The following BLNK variants were observed in gnomAD, a reference collection of about 807,000 sequenced individuals.
The protein encoded by BLNK is B cell linker, also known as B-cell linker protein.
BLNK carries 29 observed loss-of-function variants against 73.5 expected under a neutral mutation model. That is an observed-to-expected ratio of 0.39 (90% CI 0.29 to 0.54). The LOEUF is 0.54. BLNK is among the 20% of genes least tolerant of loss of function. The pLI, the probability that BLNK is intolerant of heterozygous loss-of-function variation, is 0.61. For synonymous variants in BLNK, 176 were observed against 200.8 expected, an observed-to-expected ratio of 0.88 and a Z score of 1.04; for missense variants, 460 against 562.8, an observed-to-expected ratio of 0.82 and a Z score of 1.85.
intron 15 of BLNK, among the ~76,000 whole-genome samples, chr10:96,198,508 A>G (rs1014289552): frequency 6.6e-6 from 1 of 152,238 alleles, no homozygotes; most frequent in Non-Finnish European, 1.5e-5. Flanking sequence ...AAGTCTGCAG[A>G]GCCACCAGAC....
chr10:96,191,072 T>C lies in BLNK; in HGVS notation c.*901A>G, dbSNP rs897217624. On this transcript the variant is annotated 3_prime_UTR_variant, in exon 17 of 17. Transcript: ENST00000224337. ...GGCAGGTTTTCCCATGTTGTTGTGA[T>C]AGTGAGTAAGTCTCATGAGATCTGA... Among the ~76,000 whole-genome samples the C allele has an allele frequency of 2.0e-5, 3 of 152,114 alleles. No homozygotes were observed. Among genetic ancestry groups the C allele is most frequent in the African/African-American group, 4.8e-5 (2 of 41,418 alleles).
chr10:96,204,032 C>T (rs587631607), intron 13 of BLNK, 25 bp downstream of exon 13: 20 of 1,605,758 alleles, frequency 1.2e-5, no homozygotes, highest in Non-Finnish European at 1.5e-5. Context: ...CTCCCTGATA[C>T]ACTACATGGC....
At chr10:96,230,020 G>A (rs149851075) in intron 4 of BLNK, among the ~76,000 whole-genome samples, 1,605 of 152,244 alleles carry the variant, frequency 0.011, 26 homozygotes, top group African/African-American at 0.029. Context: ...TGGTTGTATG[G>A]AAGGCTTCTT....
rs1348595542 is a variant in BLNK at position 96,190,632 on chromosome 10, C to T, written c.*1341G>A. ...GTCATGAGTTACCCTGAAATTATTA[C>T]CTTCTGGCCTTTCAACATACTTTCA... On this transcript the variant is annotated 3_prime_UTR_variant, in exon 17 of 17. Coordinates refer to ENST00000224337, the MANE Select transcript of BLNK (RefSeq NM_013314.4). Among the ~76,000 whole-genome samples the T allele has an allele frequency of 1.3e-5, 2 of 152,112 alleles. No individual in the cohort carries two copies. The highest frequency in any genetic ancestry group is 2.9e-5 in the Non-Finnish European group (2 of 68,022).
chr10:96,210,113 G>A, intron 8 of BLNK: 2 of 630,828 alleles, frequency 3.2e-6, no homozygotes, highest in East Asian at 2.9e-5. Flanking sequence ...CAGTGTATAA[G>A]CTCAGAGCTG....
At chr10:96,260,185 A>G (rs1843693043) in intron 1 of BLNK, among the ~76,000 whole-genome samples, 1 of 152,184 alleles carries the variant, frequency 6.6e-6, no homozygotes, top group South Asian at 2.1e-4. Context: ...AAACCAAAAA[A>G]GTTAAGGGAG....
intron 15 of BLNK, among the ~76,000 whole-genome samples, chr10:96,198,994 T>C (rs758632907): frequency 4.6e-5 from 7 of 152,222 alleles, no homozygotes; most frequent in Non-Finnish European, 8.8e-5. Flanking sequence ...CCACTGCGCC[T>C]GGCTGAGAAA....
chr10:96,242,811 G>T (rs1554906595), intron 2 of BLNK, 27 bp from the exon 3 acceptor site: 1 of 1,598,738 alleles, frequency 6.3e-7, no homozygotes, highest in Non-Finnish European at 8.6e-7. Flanking sequence ...TGAGACAAAA[G>T]GTCAGTGAGC....
intron 3 of BLNK, among the ~76,000 whole-genome samples, chr10:96,237,004 T>A (rs1316912879): frequency 6.6e-6 from 1 of 152,204 alleles, no homozygotes; most frequent in Non-Finnish European, 1.5e-5. Flanking sequence ...TGGTCTCCAG[T>A]TATTCCTAAA....
intron 1 of BLNK, among the ~76,000 whole-genome samples, chr10:96,251,440 TA>T (rs1307745436): frequency 8.5e-5 from 13 of 152,254 alleles, no homozygotes; most frequent in Admixed American, 2.6e-4. Context: ...GCAATCCTTT[TA>T]CTGAGATGAG....
chr10:96,196,276 C>A (rs1246170794), intron 16 of BLNK, among the ~76,000 whole-genome samples: 3 of 152,146 alleles, frequency 2.0e-5, no homozygotes, highest in Non-Finnish European at 2.9e-5. Context: ...ATTTCTAGAC[C>A]ATTCATGGGT....
chr10:96,211,368 C>T (rs1235123031), intron 8 of BLNK, among the ~76,000 whole-genome samples: 4 of 152,190 alleles, frequency 2.6e-5, no homozygotes, highest in Non-Finnish European at 4.4e-5. Context: ...GGTGAAGAAG[C>T]AGACATAGGC....
intron 6 of BLNK, among the ~76,000 whole-genome samples, chr10:96,220,953 C>T (rs2084183688): frequency 6.6e-6 from 1 of 152,228 alleles, no homozygotes; most frequent in Admixed American, 6.5e-5. Flanking sequence ...GGCTCATACC[C>T]TATTACTTAG....
At chr10:96,228,703 G>C (rs1184303973) in intron 4 of BLNK, among the ~76,000 whole-genome samples, 2 of 152,136 alleles carry the variant, frequency 1.3e-5, no homozygotes, top group Non-Finnish European at 2.9e-5. Context: ...GAGTCACTAG[G>C]TTTCTTGTGC....
At chr10:96,254,047 TA>T (rs1369486148) in intron 1 of BLNK, among the ~76,000 whole-genome samples, 4 of 138,980 alleles carry the variant, frequency 2.9e-5, no homozygotes, top group South Asian at 2.3e-4. Context: ...ATTAAAAAAA[TA>T]AAAAAAAGGA....
chr10:96,229,620 T>G (rs1179028714), intron 4 of BLNK, among the ~76,000 whole-genome samples: 1 of 151,622 alleles, frequency 6.6e-6, no homozygotes, highest in Non-Finnish European at 1.5e-5. Flanking sequence ...TACCTCTGCA[T>G]GTGGACCAAG....
At position 96,200,062 on chromosome 10, in the gene BLNK, A is replaced by G; in HGVS notation, c.1095+13T>C. Reference sequence around the variant, plus strand: ...AATAAAATAAAAATAATAAATAATAAAAATGATCAGACCTTGTTTGATCTG... The same window carrying G: ...AATAAAATAAAAATAATAAATAATAGAAATGATCAGACCTTGTTTGATCTG... On this transcript the variant is annotated intron_variant, in intron 15 of 16. Transcript: ENST00000224337. This position sits in a 1 kb window ranked among gnomAD's most constrained non-coding sequence, Gnocchi z 4.3. 1 of 1,476,664 alleles carries G rather than the reference A, an allele frequency of 6.8e-7. No homozygotes were observed. Among genetic ancestry groups the G allele is most frequent in the Non-Finnish European group, 9.0e-7 (1 of 1,105,108 alleles). The allele number at this position is 1,476,664 out of a possible 1,614,324, so 91.5% of individuals were successfully genotyped here.
chr10:96,222,667 A>T (rs2084225354), intron 6 of BLNK, among the ~76,000 whole-genome samples: 1 of 152,072 alleles, frequency 6.6e-6, no homozygotes, highest in Non-Finnish European at 1.5e-5. Context: ...GAGAAGCAAG[A>T]GCTGTCAAAG....
chr10:96,249,322 C>T (rs145125316), intron 1 of BLNK, among the ~76,000 whole-genome samples: 11 of 152,316 alleles, frequency 7.2e-5, no homozygotes, highest in African/African-American at 1.9e-4. Flanking sequence ...TTAGAATGCC[C>T]GTGCGGTGGA....
Sources: allele counts gnomAD v4.1 joint callset (sites outside exome capture counted in the v4.1 genomes callset), GRCh38; gene constraint gnomAD v4.1.1; non-coding constraint Gnocchi (gnomAD v3.1); transcripts MANE v1.5; gene names NCBI Gene and HGNC (gene_info 2026-07-23, HGNC 2026-07-21).